ZEB1: variants seen among roughly 807,000 people sequenced by gnomAD.
The protein encoded by ZEB1 is zinc finger E-box-binding homeobox 1.
ZEB1 carries 21 observed loss-of-function variants against 84.9 expected under a neutral mutation model. The ratio of observed to expected loss-of-function variants is 0.25; its 90% CI spans 0.18 to 0.36. ZEB1 has a LOEUF of 0.36. ZEB1 is among the 10% of genes least tolerant of loss of function. The pLI is 1.00. For synonymous variants in ZEB1, 420 were observed against 471.1 expected, an observed-to-expected ratio of 0.89 and a Z score of 1.41; for missense variants, 1,104 against 1,330.2, an observed-to-expected ratio of 0.83 and a Z score of 2.65.
rs114687526 is a variant in ZEB1 at position 31,324,149 on chromosome 10, T to C, written c.58+4857T>C. On this transcript the variant is annotated intron_variant, in intron 1 of 8. Coordinates refer to ENST00000424869, the MANE Select transcript of ZEB1 (RefSeq NM_001174096.2). Reference sequence around the variant, plus strand: ...GATACATTGTAGCATGGAGCAAAACTTAAAGTATCTTATAAATTGAAAATA... The same window carrying C: ...GATACATTGTAGCATGGAGCAAAACCTAAAGTATCTTATAAATTGAAAATA... Among the ~76,000 whole-genome samples, 1,067 of 152,126 alleles carry C rather than the reference T, an allele frequency of 7.0e-3. 12 individuals are homozygous for C. Among genetic ancestry groups the C allele is most frequent in the African/African-American group, 0.024 (978 of 41,552 alleles).
intron 1 of ZEB1, among the ~76,000 whole-genome samples, chr10:31,392,070 T>C (rs2135257563): frequency 6.6e-6 from 1 of 152,296 alleles, no homozygotes; most frequent in South Asian, 2.1e-4. Flanking sequence ...AAAATACATT[T>C]AACTTCAACT....
At chr10:31,410,761 A>AT (rs1245677667) in intron 1 of ZEB1, among the ~76,000 whole-genome samples, 2 of 151,920 alleles carry the variant, frequency 1.3e-5, no homozygotes, top group Admixed American at 6.6e-5. Context: ...GAATTTATTC[A>AT]TTTTTTCCTA....
chr10:31,449,413 C>T (rs147189025), intron 1 of ZEB1, among the ~76,000 whole-genome samples: 2 of 152,336 alleles, frequency 1.3e-5, no homozygotes, highest in Non-Finnish European at 2.9e-5. Context: ...GGAGCTGTTC[C>T]TATTCGGCCA....
At chr10:31,395,490 A>G (rs1220581225) in intron 1 of ZEB1, among the ~76,000 whole-genome samples, 1 of 152,176 alleles carries the variant, frequency 6.6e-6, no homozygotes, top group East Asian at 1.9e-4. Flanking sequence ...ACACCTTAAA[A>G]TGAGTTTGTT....
intron 2 of ZEB1, among the ~76,000 whole-genome samples, chr10:31,464,978 T>C (rs1231403738): frequency 6.6e-6 from 1 of 152,160 alleles, no homozygotes; most frequent in Non-Finnish European, 1.5e-5. Flanking sequence ...TACTATTCTA[T>C]ATAGTGAGAA....
chr10:31,438,916 A>G (rs1276003303), intron 1 of ZEB1, among the ~76,000 whole-genome samples: 1 of 152,242 alleles, frequency 6.6e-6, no homozygotes, highest in African/African-American at 2.4e-5. Flanking sequence ...AGAGCCAGCA[A>G]ATATTTTGCC....
intron 1 of ZEB1, among the ~76,000 whole-genome samples, chr10:31,327,105 T>C (rs1205906004): frequency 3.6e-5 from 5 of 140,754 alleles, no homozygotes; most frequent in Middle Eastern, 3.6e-3. Flanking sequence ...TTTTCTTTTT[T>C]TTTTTTTTTT....
intron 2 of ZEB1, among the ~76,000 whole-genome samples, chr10:31,471,246 C>T (rs1180500123): frequency 1.7e-5 from 2 of 118,494 alleles, no homozygotes; most frequent in African/African-American, 6.8e-5. Flanking sequence ...ACTAAATTCT[C>T]CAATTAAAAG....
At chr10:31,412,992 G>C (rs995259273) in intron 1 of ZEB1, among the ~76,000 whole-genome samples, 7 of 151,962 alleles carry the variant, frequency 4.6e-5, no homozygotes, top group Admixed American at 3.9e-4. Flanking sequence ...ATATATTTAG[G>C]AATTTTTAAA....
intron 1 of ZEB1, among the ~76,000 whole-genome samples, chr10:31,356,975 A>ACAATAACT (rs200782633): frequency 0.011 from 1,610 of 152,282 alleles, 26 homozygotes; most frequent in African/African-American, 0.037. Context: ...ATACTCTGTG[A>ACAATAACT]CAATAACTCT....
intron 1 of ZEB1, among the ~76,000 whole-genome samples, chr10:31,380,107 C>A (rs2047368189): frequency 6.6e-6 from 1 of 152,112 alleles, no homozygotes; most frequent in Admixed American, 6.6e-5. Context: ...GTTGTTTGGA[C>A]TGCTGTATAA....
chr10:31,360,055 G>A (rs998818113), intron 1 of ZEB1, among the ~76,000 whole-genome samples: 2 of 152,210 alleles, frequency 1.3e-5, no homozygotes, highest in African/African-American at 4.8e-5. Context: ...AAGGGTGTCT[G>A]TGAATAAAGT....
chr10:31,364,440 C>A (rs1040495336), intron 1 of ZEB1, among the ~76,000 whole-genome samples: 1 of 152,192 alleles, frequency 6.6e-6, no homozygotes, highest in African/African-American at 2.4e-5. Flanking sequence ...TTGGCCGGCC[C>A]TGTCCCCCAG....
Position 31,392,992 on chromosome 10 carries a change from G to C in ZEB1, c.59-68045G>C, listed in dbSNP as rs186784866. On this transcript the variant is annotated intron_variant, in intron 1 of 8. Transcript: ENST00000424869. ...TGGAACCACAGGTGTGCACCAAGAT[G>C]CTGAGCTAATTTTTCTGTGTTTTTT... Among the ~76,000 whole-genome samples the C allele has an allele frequency of 2.5e-3, 384 of 152,028 alleles. 1 individual carries two copies. Among genetic ancestry groups the C allele is most frequent in the African/African-American group, 8.5e-3 (353 of 41,518 alleles).
intron 1 of ZEB1, among the ~76,000 whole-genome samples, chr10:31,406,986 C>A (rs968381985): frequency 6.6e-6 from 1 of 152,016 alleles, no homozygotes; most frequent in South Asian, 2.1e-4. Context: ...TCAGGTTTGT[C>A]AAAGATCAGA....
At chr10:31,396,521 C>T (rs1198585147) in intron 1 of ZEB1, among the ~76,000 whole-genome samples, 2 of 152,130 alleles carry the variant, frequency 1.3e-5, no homozygotes, top group Non-Finnish European at 2.9e-5. Context: ...GCAAGGGTAA[C>T]ATCTCATGAG....
chr10:31,449,290 C>T (rs940560575), intron 1 of ZEB1, among the ~76,000 whole-genome samples: 4 of 152,222 alleles, frequency 2.6e-5, no homozygotes, highest in Admixed American at 1.3e-4. Context: ...GTGCGCGCAC[C>T]CACTGGCCTG....
At chr10:31,361,169 C>T in intron 1 of ZEB1, 1 of 1,611,956 alleles carries the variant, frequency 6.2e-7, no homozygotes, top group Non-Finnish European at 8.5e-7. Context: ...CTTGTTCCTC[C>T]TGTCCCAAAA....
chr10:31,483,137 GA>G (rs1170587505), intron 2 of ZEB1, among the ~76,000 whole-genome samples: 3 of 151,988 alleles, frequency 2.0e-5, no homozygotes, highest in Admixed American at 6.6e-5. Flanking sequence ...GGAGGACTGG[GA>G]AGGCTGGACA....
Sources: gnomAD v4.1 joint callset for allele counts (sites outside exome capture counted in the v4.1 genomes callset) on GRCh38, gnomAD v4.1.1 for gene constraint, MANE v1.5 for transcripts, NCBI Gene and HGNC (gene_info 2026-07-23, HGNC 2026-07-21) for gene names.